The following NEK1 variants were observed in gnomAD, a reference collection of about 807,000 sequenced individuals.
The protein encoded by NEK1 is NIMA related kinase 1.
NEK1 carries 137 observed loss-of-function variants against 182.1 expected under a neutral mutation model. The ratio of observed to expected loss-of-function variants is 0.75; its 90% CI spans 0.65 to 0.87. The LOEUF is 0.87. Ranked by LOEUF, NEK1 falls within the 40% of genes least tolerant of loss-of-function variation. The pLI is 0.00. For missense variants in NEK1, 1,391 were observed against 1,494.4 expected (o/e 0.93, Z 1.14); for synonymous variants, 513 against 492.2 (o/e 1.04, Z -0.56).
intron 30 of NEK1, among the ~76,000 whole-genome samples, chr4:169,425,611 T>C (rs920542630): frequency 1.3e-5 from 2 of 152,152 alleles, no homozygotes; most frequent in Non-Finnish European, 2.9e-5. Flanking sequence ...AGTGCAGTCT[T>C]GGCCTCAAGC....
chr4:169,522,760 T>C (rs1219961523), intron 19 of NEK1, among the ~76,000 whole-genome samples: 1 of 152,240 alleles, frequency 6.6e-6, no homozygotes, highest in Non-Finnish European at 1.5e-5. Flanking sequence ...ACCACTGTCC[T>C]GAGCTTGAAT....
intron 19 of NEK1, among the ~76,000 whole-genome samples, chr4:169,512,145 C>T (rs750064918): frequency 2.6e-5 from 4 of 152,034 alleles, no homozygotes; most frequent in South Asian, 2.1e-4. Flanking sequence ...AGAATGAAAT[C>T]GCTGGTTCTT....
chr4:169,437,873 T>C (rs1344068750), intron 28 of NEK1, among the ~76,000 whole-genome samples: 1 of 152,148 alleles, frequency 6.6e-6, no homozygotes, highest in Non-Finnish European at 1.5e-5. Flanking sequence ...AATCATGGTA[T>C]GAAACGGTTG....
intron 19 of NEK1, among the ~76,000 whole-genome samples, chr4:169,509,676 T>G (rs1753872838): frequency 6.6e-6 from 1 of 152,142 alleles, no homozygotes; most frequent in Non-Finnish European, 1.5e-5. Context: ...ATTTAACATT[T>G]CCACTGGAAA....
intron 10 of NEK1, among the ~76,000 whole-genome samples, chr4:169,583,560 T>G (rs1456598692): frequency 6.6e-6 from 1 of 152,206 alleles, no homozygotes; most frequent in Non-Finnish European, 1.5e-5. Flanking sequence ...TTGGCACATT[T>G]TAGGCTTGAA....
intron 12 of NEK1, 157 bp downstream of exon 12, chr4:169,576,771 T>C: frequency 1.6e-6 from 1 of 636,342 alleles, no homozygotes; most frequent in Admixed American, 2.9e-5. Flanking sequence ...CCTGTAAGGC[T>C]TCTCAGTTTT....
chr4:169,499,866 C>A (rs1358764249), intron 23 of NEK1, among the ~76,000 whole-genome samples: 1 of 152,206 alleles, frequency 6.6e-6, no homozygotes, highest in East Asian at 1.9e-4. Context: ...CTTGAGGAGG[C>A]AGTCTGTCCG....
At chr4:169,423,304 T>C (rs918791134) in intron 31 of NEK1, among the ~76,000 whole-genome samples, 5 of 152,276 alleles carry the variant, frequency 3.3e-5, no homozygotes, top group Non-Finnish European at 7.4e-5. Flanking sequence ...GGTTTTGCCA[T>C]GTTGGCCAGG....
chr4:169,514,704 AT>A (rs1006381106), intron 19 of NEK1, among the ~76,000 whole-genome samples: 4 of 151,854 alleles, frequency 2.6e-5, no homozygotes, highest in African/African-American at 9.7e-5. Flanking sequence ...AATTATACCC[AT>A]TTTTTTCTGA....
chr4:169,497,189 C>T (rs112181359), intron 23 of NEK1, among the ~76,000 whole-genome samples: 145 of 151,500 alleles, frequency 9.6e-4, no homozygotes, highest in African/African-American at 3.1e-3. Flanking sequence ...AGTTTATTTG[C>T]GTAGAGGTGT....
Position 169,544,475 on chromosome 4 carries a change from G to C in NEK1, c.1563-6564C>G, listed in dbSNP as rs1017013931. Among the ~76,000 whole-genome samples the C allele has an allele frequency of 9.9e-5, 15 of 152,102 alleles. 1 individual carries two copies. The highest frequency in any genetic ancestry group is 1.5e-5 in the Non-Finnish European group (1 of 68,026). On this transcript the variant is annotated intron_variant, in intron 18 of 35. Coordinates refer to ENST00000507142, the MANE Select transcript of NEK1 (RefSeq NM_001199397.3). The stretch of plus-strand genomic sequence containing the variant: ...AGGCTTTGGTATCAGGATGATGCTG[G>C]CCTCATAAAATGAGCTAGGGAGGAT...
chr4:169,597,546 A>G (rs1255849192), intron 5 of NEK1, among the ~76,000 whole-genome samples: 1 of 152,174 alleles, frequency 6.6e-6, no homozygotes. Context: ...TGAGGTGGGA[A>G]AATTGCTTGT....
chr4:169,560,686 G>A (rs1762777369), intron 16 of NEK1, among the ~76,000 whole-genome samples: 1 of 152,038 alleles, frequency 6.6e-6, no homozygotes, highest in African/African-American at 2.4e-5. Context: ...AATAAAAGAG[G>A]AAGTATAAGA....
At chr4:169,590,175 G>A (rs1218189802) in intron 6 of NEK1, among the ~76,000 whole-genome samples, 1 of 152,168 alleles carries the variant, frequency 6.6e-6, no homozygotes, top group Non-Finnish European at 1.5e-5. Flanking sequence ...AGGCATGGTG[G>A]CAGGTGCCTG....
chr4:169,418,683 T>C (rs573663914), intron 31 of NEK1, among the ~76,000 whole-genome samples: 90 of 152,066 alleles, frequency 5.9e-4, no homozygotes, highest in African/African-American at 2.1e-3. Context: ...CTAATAGAAT[T>C]TATCCACAAG....
At chr4:169,445,693 G>C (rs1165214748) in intron 27 of NEK1, among the ~76,000 whole-genome samples, 1 of 150,374 alleles carries the variant, frequency 6.7e-6, no homozygotes. Flanking sequence ...GAGGGAGTGG[G>C]GAGAAGGCAA....
At chr4:169,535,856 G>A (rs1397137483) in intron 19 of NEK1, among the ~76,000 whole-genome samples, 15 of 148,504 alleles carry the variant, frequency 1.0e-4, no homozygotes, top group Non-Finnish European at 2.2e-4. Context: ...TTCCAGCCTG[G>A]GCAACAAGAG....
intron 23 of NEK1, among the ~76,000 whole-genome samples, chr4:169,504,233 C>T (rs72691096): frequency 0.088 from 13,378 of 151,926 alleles, 762 homozygotes; most frequent in African/African-American, 0.16. Context: ...CAAATGCTGG[C>T]GAGGATGTGG....
rs1302388651 is a variant in NEK1 at position 169,394,253 on chromosome 4, T to C, written c.*257A>G. The C allele has an allele frequency of 1.5e-5, 5 of 323,496 alleles. No homozygotes were observed. The highest frequency in any genetic ancestry group is 2.8e-5 in the Non-Finnish European group (5 of 177,952). 20.0% of individuals were successfully genotyped at this position (323,496 alleles called of 1,614,324 possible). On this transcript the variant is annotated 3_prime_UTR_variant, in exon 36 of 36. Coordinates refer to ENST00000507142, the MANE Select transcript of NEK1 (RefSeq NM_001199397.3). ...TCAGGTTCTGGGTCAATGTTTCCTA[T>C]GCTTTGGTTGGATGATTTAATAAAG...
Sources: allele counts gnomAD v4.1 joint callset (sites outside exome capture counted in the v4.1 genomes callset), GRCh38; gene constraint gnomAD v4.1.1; transcripts MANE v1.5; gene names NCBI Gene and HGNC (gene_info 2026-07-23, HGNC 2026-07-21).